ECPAS: variants seen among roughly 807,000 people sequenced by gnomAD.
ECPAS encodes the protein Ecm29 proteasome adaptor and scaffold, also known as proteasome adapter and scaffold protein ECM29.
A neutral mutation model predicts 255.1 loss-of-function variants in ECPAS; 70 were observed. That is an observed-to-expected ratio of 0.27 (90% CI 0.23 to 0.33). ECPAS has a LOEUF of 0.33. Ranked by LOEUF, ECPAS falls within the 10% of genes least tolerant of loss-of-function variation. The pLI, the probability that ECPAS is intolerant of heterozygous loss-of-function variation, is 1.00. For missense variants in ECPAS, 1,817 were observed against 2,206.4 expected (o/e 0.82, Z 3.54); for synonymous variants, 784 against 775.0 (o/e 1.01, Z -0.19).
At chr9:111,452,886 G>A (rs966075844) in intron 2 of ECPAS, among the ~76,000 whole-genome samples, 3 of 152,162 alleles carry the variant, frequency 2.0e-5, no homozygotes, top group Non-Finnish European at 4.4e-5. Context: ...AAAGGTCTGA[G>A]TTTAGGGATT....
Position 111,484,322 on chromosome 9 carries a change from T to C in ECPAS, c.-289A>G, listed in dbSNP as rs1453211492. ...AGCGCCCTTTTCCGAGGTCTGCGGC[T>C]GTCACGTTGGCTGGGCCCGACCTGG... On this transcript the variant is annotated 5_prime_UTR_variant, in exon 1 of 50. Coordinates refer to ENST00000684092, the MANE Select transcript of ECPAS (RefSeq NM_001364929.1). 1.3e-6 allele frequency: 2 copies of C among 1,596,504 alleles called. No homozygotes were observed. The highest frequency in any genetic ancestry group is 1.7e-6 in the Non-Finnish European group (2 of 1,173,098).
In ECPAS at chr9:111,389,996, C is replaced by A; in HGVS notation, c.3267G>T (p.Trp1089Cys). ...FMNLANHHAM[W>C]NSRKGAAFGF... ...GATAGCAACTTACCTTCCTAGAGTT[C>A]CACATTGCATGATGGTTGGCTAAAT... is the stretch of plus-strand genomic sequence containing the variant. The change falls in exon 30 of 50, where the codon TGG becomes TGT. Residue 1089 changes from tryptophan (W) to cysteine (C), a missense_variant. Trp to Cys is a radical substitution (Grantham distance 215). This residue lies in a region of ECPAS where 960 missense variants were observed against 1,179.0 expected (regional missense o/e 0.81). Transcript: ENST00000684092. 1 of 1,589,652 alleles carries A rather than the reference C, an allele frequency of 6.3e-7. No homozygotes were observed. The highest frequency in any genetic ancestry group is 8.6e-7 in the Non-Finnish European group (1 of 1,160,886).
chr9:111,398,933 T>C (rs1393799990), intron 24 of ECPAS, among the ~76,000 whole-genome samples: 1 of 151,024 alleles, frequency 6.6e-6, no homozygotes, highest in East Asian at 1.9e-4. Flanking sequence ...TGAGACTCCG[T>C]CTCAAAAAAA....
At chr9:111,458,605 TA>T (rs1226992485) in intron 2 of ECPAS, among the ~76,000 whole-genome samples, 11 of 143,744 alleles carry the variant, frequency 7.7e-5, no homozygotes, top group African/African-American at 2.6e-4. Context: ...GCCAGGTGAT[TA>T]GGGGAGGTGG....
At chr9:111,362,282 C>A in intron 49 of ECPAS, 113 bp from the exon 50 acceptor site, 1 of 838,414 alleles carries the variant, frequency 1.2e-6, no homozygotes. Flanking sequence ...ATATCCTATC[C>A]CCCAAATAAA....
At chr9:111,434,018 T>C (rs188954369) in intron 7 of ECPAS, among the ~76,000 whole-genome samples, 1 of 152,250 alleles carries the variant, frequency 6.6e-6, no homozygotes, top group Non-Finnish European at 1.5e-5. Flanking sequence ...GAAGATGCTA[T>C]GAATTTCACT....
chr9:111,375,749 T>G (rs1181569171), intron 37 of ECPAS, among the ~76,000 whole-genome samples: 2 of 152,160 alleles, frequency 1.3e-5, no homozygotes, highest in African/African-American at 4.8e-5. Flanking sequence ...AGACATAACA[T>G]TCTTAGACCA....
At chr9:111,410,262 G>A (rs566044991) in intron 22 of ECPAS, 49 bp from the exon 23 acceptor site, 53 of 1,496,018 alleles carry the variant, frequency 3.5e-5, no homozygotes, top group East Asian at 2.3e-4. Flanking sequence ...TTATCCTTAC[G>A]ACCCAAAGCA....
intron 3 of ECPAS, among the ~76,000 whole-genome samples, chr9:111,446,484 G>A (rs2131934102): frequency 6.6e-6 from 1 of 152,292 alleles, no homozygotes; most frequent in South Asian, 2.1e-4. Context: ...AAAGAAAGCT[G>A]TAGAGATGTT....
At chr9:111,366,682 G>C in intron 46 of ECPAS, 55 bp from the exon 47 acceptor site, 2 of 1,159,902 alleles carry the variant, frequency 1.7e-6, no homozygotes, top group Admixed American at 3.7e-5. Flanking sequence ...AAGAACAAGA[G>C]ATGGAATAAA....
intron 2 of ECPAS, among the ~76,000 whole-genome samples, chr9:111,466,369 C>T (rs1021996140): frequency 2.0e-5 from 3 of 151,852 alleles, no homozygotes; most frequent in African/African-American, 2.4e-5. Context: ...CGCTTGAACC[C>T]GGGAGGTAGA....
rs1161790026 is a variant in ECPAS, at chr9:111,407,403, GAAAAAAAAAAAAAAAAA to G, written c.2652+1151_2652+1167del. On this transcript the variant is annotated intron_variant, in intron 24 of 49. Transcript: ENST00000684092. ...GGAGACAGAGCAAAACTCCATCTCAGAAAAAAAAAAAAAAAAAAAAAAAAAAAAAAAAAAACCTAGAA... is the reference window on the plus strand; with the variant it reads ...GGAGACAGAGCAAAACTCCATCTCAGAAAAAAAAAAAAAAAAAACCTAGAA... Among the ~76,000 whole-genome samples the G allele has an allele frequency of 1.6e-3, 19 of 12,072 alleles. 1 individual carries two copies. Among genetic ancestry groups the G allele is most frequent in the East Asian group, 7.4e-3 (5 of 672 alleles). 7.9% of individuals were successfully genotyped at this position (12,072 alleles called of 152,430 possible).
rs2131770089 is a variant in ECPAS, at chr9:111,417,988, T to C, written c.1578A>G (p.Gly526=). 6.2e-7 allele frequency: 1 copy of C among 1,600,592 alleles called. No individual in the cohort carries two copies. Among genetic ancestry groups the C allele is most frequent in the African/African-American group, 1.3e-5 (1 of 74,440 alleles). The stretch of plus-strand genomic sequence containing the variant: ...GACACCTTAATACGCGTTGTGCTTC[T>C]CCATGAACTTCTTCACGTCTTTCAG... ...AAGDPREEVH[G]EAQRVLRCLP... is the part of the protein sequence containing the mutation. The change falls in exon 17 of 50, where the codon GGA becomes GGG. Residue 526 remains glycine, a synonymous_variant. Coordinates refer to ENST00000684092, the MANE Select transcript of ECPAS (RefSeq NM_001364929.1).
rs768788171 is a variant in ECPAS at position 111,378,734 on chromosome 9, C to A, written c.3804-4G>T. The A allele has an allele frequency of 6.2e-7, 1 of 1,606,454 alleles. No homozygotes were observed. Among genetic ancestry groups the A allele is most frequent in the Non-Finnish European group, 8.5e-7 (1 of 1,174,956 alleles). ...GATCTTCACAAGGGTGTTAATGCTA[C>A]AAACATATGGAACACAACTCCTGAG... is the stretch of plus-strand genomic sequence containing the variant. On this transcript the variant is annotated splice_polypyrimidine_tract_variant and splice_region_variant and intron_variant, in intron 35 of 49. Coordinates refer to ENST00000684092, the MANE Select transcript of ECPAS (RefSeq NM_001364929.1).
At chr9:111,383,469 C>A (rs1157584404) in intron 34 of ECPAS, 137 bp from the exon 35 acceptor site, 3 of 1,175,808 alleles carry the variant, frequency 2.6e-6, no homozygotes, top group Non-Finnish European at 3.5e-6. Flanking sequence ...TACAGAGACA[C>A]AGAGGAATGA....
chr9:111,469,478 C>T (rs982928708), intron 2 of ECPAS, among the ~76,000 whole-genome samples: 1 of 148,682 alleles, frequency 6.7e-6, no homozygotes, highest in Non-Finnish European at 1.5e-5. Context: ...AGCAGTGAGC[C>T]GAGATCCAGC....
chr9:111,442,175 T>A (rs2098246825), intron 5 of ECPAS, 131 bp downstream of exon 5: 1 of 562,008 alleles, frequency 1.8e-6, no homozygotes, highest in African/African-American at 1.9e-5. Flanking sequence ...CACGGAAAAT[T>A]CTATTATTTG....
intron 8 of ECPAS, among the ~76,000 whole-genome samples, chr9:111,432,121 TAAC>T (rs1235632406): frequency 6.6e-6 from 1 of 152,250 alleles, no homozygotes; most frequent in Non-Finnish European, 1.5e-5. Flanking sequence ...TTTCATATTT[TAAC>T]AATGATAGAA....
chr9:111,391,555 T>TA (rs2131611184), intron 29 of ECPAS, among the ~76,000 whole-genome samples: 1 of 147,538 alleles, frequency 6.8e-6, no homozygotes, highest in South Asian at 2.1e-4. Context: ...CACTCCAGCC[T>TA]AGGCAACAAA....
Sources: allele counts gnomAD v4.1 joint callset (sites outside exome capture counted in the v4.1 genomes callset), GRCh38; gene constraint gnomAD v4.1.1; regional missense constraint gnomAD v4.1.1; transcripts MANE v1.5; gene names NCBI Gene and HGNC (gene_info 2026-07-23, HGNC 2026-07-21).